SUGCT: variants seen among roughly 807,000 people sequenced by gnomAD.
SUGCT encodes the protein succinyl-CoA:glutarate-CoA transferase, also known as succinyl-CoA:glutarate CoA-transferase.
Under a neutral mutation model 55.0 loss-of-function variants are expected in SUGCT, and 41 were observed. The ratio of observed to expected loss-of-function variants is 0.74; its 90% CI spans 0.58 to 0.97. The LOEUF (loss-of-function observed/expected upper bound fraction) is 0.97. SUGCT is among the 50% of genes least tolerant of loss of function. The pLI, the probability that SUGCT is intolerant of heterozygous loss-of-function variation, is 0.00. For missense variants in SUGCT, 568 were observed against 547.8 expected (o/e 1.04, Z -0.37); for synonymous variants, 187 against 200.4 (o/e 0.93, Z 0.56).
At chr7:40,987,226 C>A in the SUGCT span, among the ~76,000 whole-genome samples, 2 of 152,076 alleles carry the variant, frequency 1.3e-5, no homozygotes, top group Non-Finnish European at 2.9e-5. Flanking sequence ...CACTCCCTGC[C>A]ATCAGTCCCA....
chr7:40,322,339 T>C (rs1479351513), intron 9 of SUGCT, among the ~76,000 whole-genome samples: 1 of 152,196 alleles, frequency 6.6e-6, no homozygotes, highest in African/African-American at 2.4e-5. Flanking sequence ...GTTTTTATGC[T>C]CTCTAGTGCA....
chr7:40,442,967 G>T (rs1350428029), intron 9 of SUGCT, among the ~76,000 whole-genome samples: 1 of 152,080 alleles, frequency 6.6e-6, no homozygotes, highest in African/African-American at 2.4e-5. Flanking sequence ...GTGAGAACAT[G>T]CAGTGTTTGG....
intron 1 of SUGCT, among the ~76,000 whole-genome samples, chr7:40,162,122 T>C (rs968657120): frequency 1.3e-5 from 2 of 152,244 alleles, no homozygotes; most frequent in Middle Eastern, 3.4e-3. Flanking sequence ...GGTCTCGATC[T>C]CCTGACCTCG....
chr7:40,650,228 G>T (rs1800710290), intron 12 of SUGCT, among the ~76,000 whole-genome samples: 1 of 152,196 alleles, frequency 6.6e-6, no homozygotes, highest in Non-Finnish European at 1.5e-5. Context: ...GAGAAAGAGG[G>T]CTGAGACAGA....
intron 12 of SUGCT, among the ~76,000 whole-genome samples, chr7:40,556,583 G>A (rs1317431639): frequency 1.3e-5 from 2 of 152,202 alleles, no homozygotes; most frequent in Admixed American, 1.3e-4. Flanking sequence ...GAAAAGGAGT[G>A]TAGCATAATA....
intron 12 of SUGCT, among the ~76,000 whole-genome samples, chr7:40,737,278 C>G (rs1787213145): frequency 6.6e-6 from 1 of 152,060 alleles, no homozygotes; most frequent in Admixed American, 6.5e-5. Context: ...GAAAAAAATG[C>G]AAGTACCAAG....
At chr7:40,843,854 G>A (rs1173456739) in intron 13 of SUGCT, among the ~76,000 whole-genome samples, 1 of 152,180 alleles carries the variant, frequency 6.6e-6, no homozygotes, top group Non-Finnish European at 1.5e-5. Context: ...TTTAAAGGGT[G>A]ACTCCAGCTG....
intron 12 of SUGCT, among the ~76,000 whole-genome samples, chr7:40,642,628 G>C (rs935729499): frequency 6.6e-6 from 1 of 152,194 alleles, no homozygotes; most frequent in African/African-American, 2.4e-5. Flanking sequence ...TGGAATACTG[G>C]AAGGTAAGAG....
intron 9 of SUGCT, among the ~76,000 whole-genome samples, chr7:40,424,317 C>G (rs923365380): frequency 5.9e-5 from 9 of 152,104 alleles, no homozygotes; most frequent in Admixed American, 5.2e-4. Context: ...AAGGCCATTT[C>G]TTTTTGCACA....
At chr7:40,146,181 T>G (rs1231988186) in intron 1 of SUGCT, among the ~76,000 whole-genome samples, 1 of 152,220 alleles carries the variant, frequency 6.6e-6, no homozygotes, top group Non-Finnish European at 1.5e-5. Flanking sequence ...TTTTTCTACT[T>G]TCTTCTGCTA....
intron 12 of SUGCT, among the ~76,000 whole-genome samples, chr7:40,634,946 G>A (rs905029082): frequency 3.9e-5 from 6 of 152,138 alleles, no homozygotes; most frequent in East Asian, 1.9e-4. Flanking sequence ...ACTCTAATTA[G>A]GAGAATAAAT....
At chr7:40,173,648 TG>T (rs1227887542) in intron 1 of SUGCT, among the ~76,000 whole-genome samples, 9 of 152,056 alleles carry the variant, frequency 5.9e-5, no homozygotes, top group Non-Finnish European at 1.0e-4. Flanking sequence ...ACTACCTGAT[TG>T]GTTGGATGTG....
intron 1 of SUGCT, among the ~76,000 whole-genome samples, chr7:40,176,942 CAG>C (rs1367889967): frequency 2.6e-5 from 3 of 117,144 alleles, no homozygotes; most frequent in Non-Finnish European, 4.9e-5. Context: ...GCCTGGGAGA[CAG>C]AGTGAGACTC....
At chr7:40,666,220 CAT>C (rs2151861919) in intron 12 of SUGCT, among the ~76,000 whole-genome samples, 1 of 151,830 alleles carries the variant, frequency 6.6e-6, no homozygotes, top group East Asian at 1.9e-4. Context: ...TGTGGTGGCA[CAT>C]GCCTGTAATC....
intron 13 of SUGCT, among the ~76,000 whole-genome samples, chr7:40,838,421 T>C (rs1052993005): frequency 2.6e-5 from 4 of 152,212 alleles, no homozygotes; most frequent in Admixed American, 2.0e-4. Context: ...TTTACTTAGG[T>C]CTTCTATGAT....
At chr7:40,949,024 T>C in the SUGCT span, among the ~76,000 whole-genome samples, 50,634 of 152,128 alleles carry the variant, frequency 0.33, 9,154 homozygotes, top group Admixed American at 0.45. Flanking sequence ...CCTGAGGAAA[T>C]GCCACACTGT....
intron 9 of SUGCT, among the ~76,000 whole-genome samples, chr7:40,440,918 A>G (rs1407681388): frequency 6.6e-6 from 1 of 151,964 alleles, no homozygotes; most frequent in Non-Finnish European, 1.5e-5. Context: ...GGATTATGCC[A>G]GTTTACTCCA....
chr7:40,617,522 C>G (rs1799065843), intron 12 of SUGCT, among the ~76,000 whole-genome samples: 1 of 142,084 alleles, frequency 7.0e-6, no homozygotes, highest in African/African-American at 2.6e-5. Context: ...TGCATGTTTT[C>G]TTACTCGTTG....
intron 7 of SUGCT, among the ~76,000 whole-genome samples, chr7:40,268,127 C>G (rs1791728033): frequency 6.6e-6 from 1 of 152,138 alleles, no homozygotes; most frequent in African/African-American, 2.4e-5. Context: ...TACTGTACAA[C>G]TCACCCATTT....
Sources: gnomAD v4.1 joint callset for allele counts (sites outside exome capture counted in the v4.1 genomes callset) on GRCh38, gnomAD v4.1.1 for gene constraint, MANE v1.5 for transcripts, NCBI Gene and HGNC (gene_info 2026-07-23, HGNC 2026-07-21) for gene names.